GRIA1: variants seen among roughly 807,000 people sequenced by gnomAD.
GRIA1 encodes the protein glutamate receptor 1.
A neutral mutation model predicts 99.2 loss-of-function variants in GRIA1; 31 were observed. The ratio of observed to expected loss-of-function variants is 0.31; its 90% CI spans 0.23 to 0.42. GRIA1 has a LOEUF of 0.42. Ranked by LOEUF, GRIA1 falls within the 10% of genes least tolerant of loss-of-function variation. The pLI is 1.00. For synonymous variants in GRIA1, 438 were observed against 432.4 expected (o/e 1.01, Z -0.16); for missense variants, 782 against 1,157.5 (o/e 0.68, Z 4.71).
chr5:153,556,610 T>C (rs924990016), intron 2 of GRIA1, among the ~76,000 whole-genome samples: 2 of 152,132 alleles, frequency 1.3e-5, no homozygotes, highest in African/African-American at 4.8e-5. Flanking sequence ...GGAGACAATA[T>C]TTTATGTTCC....
At chr5:153,572,107 C>T (rs1030257207) in intron 2 of GRIA1, among the ~76,000 whole-genome samples, 4 of 152,266 alleles carry the variant, frequency 2.6e-5, no homozygotes, top group Admixed American at 6.5e-5. Context: ...GTGTAATATA[C>T]GATTGTTTAA....
At chr5:153,522,583 G>A (rs1427616884) in intron 2 of GRIA1, among the ~76,000 whole-genome samples, 1 of 152,154 alleles carries the variant, frequency 6.6e-6, no homozygotes, top group African/African-American at 2.4e-5. Flanking sequence ...GTGGGGGAGT[G>A]GGGAGAGGCA....
intron 1 of GRIA1, 60 bp from the exon 2 acceptor site, chr5:153,493,868 C>A: frequency 6.4e-7 from 1 of 1,566,974 alleles, no homozygotes; most frequent in South Asian, 1.1e-5. Flanking sequence ...TGGAGTGAGT[C>A]GTGAGGAACT....
intron 2 of GRIA1, among the ~76,000 whole-genome samples, chr5:153,556,335 C>T (rs575480627): frequency 1.3e-5 from 2 of 152,104 alleles, no homozygotes; most frequent in Non-Finnish European, 2.9e-5. Context: ...CTCAAAAGGT[C>T]GCTCTTCCCT....
chr5:153,726,759 C>G (rs147641718), intron 11 of GRIA1, among the ~76,000 whole-genome samples: 61 of 151,392 alleles, frequency 4.0e-4, no homozygotes, highest in African/African-American at 1.4e-3. Context: ...AGCTTACCAA[C>G]AAAAAGTCCA....
At chr5:153,646,073 G>T (rs1475292630) in intron 2 of GRIA1, among the ~76,000 whole-genome samples, 1 of 152,150 alleles carries the variant, frequency 6.6e-6, no homozygotes, top group Non-Finnish European at 1.5e-5. Flanking sequence ...TTAATCCCAT[G>T]ACCTTGGTCT....
At chr5:153,780,093 T>G (rs1764538373) in intron 13 of GRIA1, among the ~76,000 whole-genome samples, 1 of 152,218 alleles carries the variant, frequency 6.6e-6, no homozygotes, top group Non-Finnish European at 1.5e-5. Flanking sequence ...TTGCTTTCTT[T>G]TAAGAGGCTG....
intron 2 of GRIA1, among the ~76,000 whole-genome samples, chr5:153,634,330 G>GA (rs34497962): frequency 0.44 from 63,619 of 143,146 alleles, 15,994 homozygotes; most frequent in Non-Finnish European, 0.58. Flanking sequence ...AAAAAAAAAA[G>GA]AAAAAAAAAA....
intron 11 of GRIA1, among the ~76,000 whole-genome samples, chr5:153,748,147 A>G (rs758182136): frequency 6.6e-6 from 1 of 152,254 alleles, no homozygotes; most frequent in Non-Finnish European, 1.5e-5. Flanking sequence ...ATGTAATTAT[A>G]TAAAGATCAC....
intron 2 of GRIA1, among the ~76,000 whole-genome samples, chr5:153,538,534 C>G (rs1210425755): frequency 6.6e-6 from 1 of 152,042 alleles, no homozygotes; most frequent in African/African-American, 2.4e-5. Context: ...CCTGCAGGTT[C>G]ACTACATGAA....
intron 1 of GRIA1, chr5:153,491,216 T>C: frequency 7.7e-7 from 1 of 1,293,046 alleles, no homozygotes. Context: ...GGCAAGAGCA[T>C]GTGAAATGGA....
intron 8 of GRIA1, among the ~76,000 whole-genome samples, chr5:153,695,542 G>A (rs771319823): frequency 1.3e-5 from 2 of 152,218 alleles, no homozygotes; most frequent in Non-Finnish European, 2.9e-5. Flanking sequence ...CCTTGCAAAA[G>A]CAAGGGAACT....
Position 153,806,734 on chromosome 5 carries a change from G to A in GRIA1, c.2520+4244G>A, listed in dbSNP as rs1050394841. On this transcript the variant is annotated intron_variant, in intron 15 of 15. Transcript: ENST00000285900. ...AGGAGAGAGAGAGATGAAAGGAAGC[G>A]AAGAAGGAAAGATGATTTTTCAGTA... Among the ~76,000 whole-genome samples, 18 of 152,212 alleles carry A rather than the reference G, an allele frequency of 1.2e-4. No individual in the cohort carries two copies. The South Asian group carries it at 1.2e-3, about 11-fold the overall frequency.
At chr5:153,731,105 T>C (rs1309277982) in intron 11 of GRIA1, among the ~76,000 whole-genome samples, 1 of 152,120 alleles carries the variant, frequency 6.6e-6, no homozygotes, top group Non-Finnish European at 1.5e-5. Context: ...ACTCTATCAC[T>C]TCTTCCCCAA....
intron 2 of GRIA1, among the ~76,000 whole-genome samples, chr5:153,583,475 C>G (rs1763219715): frequency 6.6e-6 from 1 of 152,120 alleles, no homozygotes; most frequent in African/African-American, 2.4e-5. Context: ...TTGAAACTGT[C>G]AAAGAACTCC....
At chr5:153,571,238 C>G (rs1034812515) in intron 2 of GRIA1, among the ~76,000 whole-genome samples, 1 of 152,046 alleles carries the variant, frequency 6.6e-6, no homozygotes, top group Non-Finnish European at 1.5e-5. Context: ...GGGGCACTTG[C>G]CCCCAGTTGA....
chr5:153,650,176 G>A (rs1754450032), intron 3 of GRIA1, among the ~76,000 whole-genome samples, 154 bp from the exon 4 acceptor site: 1 of 152,168 alleles, frequency 6.6e-6, no homozygotes, highest in Non-Finnish European at 1.5e-5. Context: ...TGATCTCACA[G>A]AGTTCAGAGT....
chr5:153,623,866 G>T (rs1424140213), intron 2 of GRIA1, among the ~76,000 whole-genome samples: 1 of 152,168 alleles, frequency 6.6e-6, no homozygotes, highest in Non-Finnish European at 1.5e-5. Context: ...GTGCCAGTTT[G>T]CTTCAATATG....
intron 3 of GRIA1, among the ~76,000 whole-genome samples, chr5:153,648,838 AC>A (rs35300119): frequency 4.7e-4 from 70 of 148,146 alleles, no homozygotes; most frequent in African/African-American, 1.1e-3. Flanking sequence ...TAATAATGAC[AC>A]CCCCCCCCAA....
Sources: allele counts gnomAD v4.1 joint callset (sites outside exome capture counted in the v4.1 genomes callset), GRCh38; gene constraint gnomAD v4.1.1; transcripts MANE v1.5; gene names NCBI Gene and HGNC (gene_info 2026-07-23, HGNC 2026-07-21).